Variants in DSPP observed in about 807,000 individuals in gnomAD.
The protein encoded by DSPP is dentin sialophosphoprotein.
DSPP carries 28 observed loss-of-function variants against 29.1 expected under a neutral mutation model. The observed-to-expected ratio is 0.96, with a 90% CI of 0.71 to 1.32. The LOEUF (loss-of-function observed/expected upper bound fraction) is 1.32. DSPP is among the 40% of genes most tolerant of loss of function. DSPP has a pLI of 0.00. For missense variants in DSPP, 1,281 were observed against 1,629.9 expected (o/e 0.79, Z 3.69); for synonymous variants, 481 against 503.4 (o/e 0.96, Z 0.60).
rs369769648 is a variant in DSPP, at chr4:87,614,555, C to T, written c.1893C>T (p.Ser631=). 507 of 1,550,634 alleles carry T rather than the reference C, an allele frequency of 3.3e-4. No homozygotes were observed. The highest frequency in any genetic ancestry group is 8.3e-4 in the Middle Eastern group (5 of 6,002). ...AGTCAGACAGCAGCAAATCAGAGAG[C>T]GACAGCAGTGATAGTGACAGTAAGT... is the stretch of plus-strand genomic sequence containing the variant. ...DSKSDSSKSE[S]DSSDSDSKSD... The change falls in exon 5 of 5, where the codon AGC becomes AGT. Residue 631 remains serine, a synonymous_variant. Transcript: ENST00000651931.
At chr4:87,613,366 T>C (rs1727779859) in intron 4 of DSPP, 58 bp downstream of exon 4, 1 of 1,575,368 alleles carries the variant, frequency 6.3e-7, no homozygotes, top group Non-Finnish European at 8.7e-7. Flanking sequence ...CCTCCATCTA[T>C]TGATGCTAGC....
rs767443436 is a variant in DSPP at position 87,610,862 on chromosome 4, C to T, written c.-28-19C>T. 24 of 1,500,356 alleles carry T rather than the reference C, an allele frequency of 1.6e-5. No individual in the cohort carries two copies. The South Asian group carries it at 2.7e-4, about 17-fold the overall frequency. The allele number at this position is 1,500,356 out of a possible 1,614,324, so 92.9% of individuals were successfully genotyped here. ...CCTTTACTTTATAAGTAATTTTGTG[C>T]TGTTCCTTTTTTATACAGCCATTGA... is the stretch of plus-strand genomic sequence containing the variant. On this transcript the variant is annotated intron_variant, in intron 1 of 4. Transcript: ENST00000651931.
At position 87,614,680 on chromosome 4, in the gene DSPP, A is replaced by ATAGCAGTGGCAGCAGCAG. The variant is rs1560478710; in HGVS notation, c.2026_2027insGCAGCAGCAGTAGCAGTG (p.Ser675_Asp676insGlySerSerSerSerSer). On this transcript the variant is annotated inframe_insertion, in exon 5 of 5. Coordinates refer to ENST00000651931, the MANE Select transcript of DSPP (RefSeq NM_014208.3). ...AGCAGTGATAGTAGTGACAGCAGTG[A>ATAGCAGTGGCAGCAGCAG]TAGCAGTGACAGCAGCAGTAGCAGT... 1.1e-5 allele frequency: 17 copies of ATAGCAGTGGCAGCAGCAG among 1,521,916 alleles called. No homozygotes were observed. The highest frequency in any genetic ancestry group is 1.5e-5 in the Non-Finnish European group (17 of 1,121,262). 94.3% of individuals were successfully genotyped at this position (1,521,916 alleles called of 1,614,324 possible).
At chr4:87,611,841 T>C (rs1727739925) in intron 2 of DSPP, among the ~76,000 whole-genome samples, 1 of 152,224 alleles carries the variant, frequency 6.6e-6, no homozygotes, top group African/African-American at 2.4e-5. Flanking sequence ...TTGAGATAAG[T>C]GGGCTGATCT....
chr4:87,609,696 C>T (rs1342154498), intron 1 of DSPP, among the ~76,000 whole-genome samples: 2 of 152,182 alleles, frequency 1.3e-5, no homozygotes, highest in African/African-American at 4.8e-5. Context: ...TATATTTTCA[C>T]TACCACCATT....
chr4:87,612,231 T>C (rs1050476689), intron 3 of DSPP, 43 bp downstream of exon 3: 1 of 1,612,494 alleles, frequency 6.2e-7, no homozygotes, highest in Non-Finnish European at 8.5e-7. Flanking sequence ...TATTTCTGAG[T>C]TGCTACATTC....
rs781673610 is a variant in DSPP at position 87,613,178 on chromosome 4, G to C, written c.992G>C (p.Gly331Ala). The change falls in exon 4 of 5, where the codon GGT becomes GCT. Residue 331 changes from glycine to alanine, a missense_variant. Physicochemically the swap from Gly to Ala is moderately conservative, Grantham distance 60 (BLOSUM62 0). This residue lies in a region of DSPP where 631 missense variants were observed against 643.2 expected (regional missense o/e 0.98). Transcript: ENST00000651931. ...KTSKSEENSAGIPEDNGSQRI... is the reference protein window; with the variant it reads ...KTSKSEENSAAIPEDNGSQRI... ...TCCAAGAGTGAGGAGAATTCTGCTG[G>C]TATTCCAGAAGACAATGGCAGCCAA... 6.2e-7 allele frequency: 1 copy of C among 1,613,996 alleles called. No homozygotes were observed. Among genetic ancestry groups the C allele is most frequent in the East Asian group, 2.2e-5 (1 of 44,902 alleles).
In DSPP at chr4:87,616,154, T is replaced by TAGCAGCGAC; in HGVS notation, c.3510_3518dup (p.Asp1176_Ser1178dup). 3 of 737,738 alleles carry TAGCAGCGAC rather than the reference T, an allele frequency of 4.1e-6. 1 individual carries two copies. Among genetic ancestry groups the TAGCAGCGAC allele is most frequent in the South Asian group, 2.1e-5 (1 of 48,244 alleles). 45.7% of individuals were successfully genotyped at this position (737,738 alleles called of 1,614,324 possible). On this transcript the variant is annotated inframe_insertion, in exon 5 of 5. Coordinates refer to ENST00000651931, the MANE Select transcript of DSPP (RefSeq NM_014208.3). ...GCAGCGACAGCAGTGACAGCAGCGA[T>TAGCAGCGAC]AGCAGCGACAGCAGCGACAGCAGCG...
At position 87,616,519 on chromosome 4, in the gene DSPP, A is replaced by ACAGTGACAGTGAAGG. The variant is rs1356736975; in HGVS notation, c.3868_3882dup (p.Glu1290_Ser1294dup). The ACAGTGACAGTGAAGG allele has an allele frequency of 3.9e-6, 6 of 1,551,682 alleles. No individual in the cohort carries two copies. Among genetic ancestry groups the ACAGTGACAGTGAAGG allele is most frequent in the Non-Finnish European group, 5.2e-6 (6 of 1,147,018 alleles). On this transcript the variant is annotated inframe_insertion, in exon 5 of 5. Transcript: ENST00000651931. ...GGTAACAACAATGGAAGTGACAGTG[A>ACAGTGACAGTGAAGG]CAGTGACAGTGAAGGCAGTGACAGT...
intron 2 of DSPP, 37 bp from the exon 3 acceptor site, chr4:87,612,068 A>C (rs1253708024): frequency 6.3e-7 from 1 of 1,593,262 alleles, no homozygotes; most frequent in African/African-American, 1.3e-5. Flanking sequence ...TTCACAAATA[A>C]GAACCTTTTC....
rs533458638 is a variant in DSPP at position 87,613,720 on chromosome 4, C to T, written c.1123-65C>T. 5,082 of 1,610,402 alleles carry T rather than the reference C, an allele frequency of 3.2e-3. 19 individuals are homozygous for T. Among genetic ancestry groups the T allele is most frequent in the Non-Finnish European group, 3.8e-3 (4,427 of 1,177,708 alleles). ...GCAACTTTTCCCAGTTATTCTTCCT[C>T]AGATCAATGCAATTTTGCAGCAAAT... On this transcript the variant is annotated intron_variant, in intron 4 of 4. Coordinates refer to ENST00000651931, the MANE Select transcript of DSPP (RefSeq NM_014208.3).
At position 87,614,417 on chromosome 4, in the gene DSPP, T is replaced by C; in HGVS notation, c.1755T>C (p.Ser585=). The C allele has an allele frequency of 6.4e-7, 1 of 1,557,680 alleles. No homozygotes were observed. The highest frequency in any genetic ancestry group is 2.4e-5 in the East Asian group (1 of 40,942). Residue 585 remains serine, a synonymous_variant, in exon 5 of 5, where the codon AGT becomes AGC. Coordinates refer to ENST00000651931, the MANE Select transcript of DSPP (RefSeq NM_014208.3). The part of the protein sequence containing the change: ...NSSSDSDSSD[S]DSSDSSDSDS... Reference sequence around the variant, plus strand: ...GCAGTGATAGTGACAGCAGTGACAGTGACAGCAGTGATAGCAGTGACAGTG... The same window carrying C: ...GCAGTGATAGTGACAGCAGTGACAGCGACAGCAGTGATAGCAGTGACAGTG...
rs762861045 is a variant in DSPP, at chr4:87,614,495, T to A, written c.1833T>A (p.Ser611Arg). 1 of 1,551,046 alleles carries A rather than the reference T, an allele frequency of 6.4e-7. No individual in the cohort carries two copies. Among genetic ancestry groups the A allele is most frequent in the Non-Finnish European group, 8.7e-7 (1 of 1,146,830 alleles). ...ACAGTAGTGACAGCAGTGATAGCAGTGACAGTAGTGATAGTAGTGACAGCA... is the reference window on the plus strand; with the variant it reads ...ACAGTAGTGACAGCAGTGATAGCAGAGACAGTAGTGATAGTAGTGACAGCA... ...SSDSSDSSDSSDSSDSSDSSD... is the reference protein window; with the variant it reads ...SSDSSDSSDSRDSSDSSDSSD... The change falls in exon 5 of 5, where the codon AGT (serine) becomes AGA (arginine). Residue 611 changes from serine (S) to arginine (R), a missense_variant. Transcript: ENST00000651931.
intron 4 of DSPP, 47 bp downstream of exon 4, chr4:87,613,355 C>T: frequency 1.9e-6 from 3 of 1,597,056 alleles, no homozygotes; most frequent in South Asian, 1.1e-5. Context: ...TAAATTCTTC[C>T]CCTCCATCTA....
rs1378984056 is a variant in DSPP, at chr4:87,608,622, T to A, written c.-29+2T>A. ...AAAATCCTTTTGAAGCCTTTTAAGG[T>A]AAGATGAAATATCCTTTTTACTCAG... On this transcript the variant is annotated splice_donor_variant, in intron 1 of 4. Coordinates refer to ENST00000651931, the MANE Select transcript of DSPP (RefSeq NM_014208.3). LOFTEE classifies it low-confidence loss of function (5UTR_SPLICE). 6.6e-6 allele frequency: 1 copy of A among 152,194 alleles called. No individual in the cohort carries two copies. Among genetic ancestry groups the A allele is most frequent in the Non-Finnish European group, 1.5e-5 (1 of 68,026 alleles). The allele number at this position is 152,194 out of a possible 1,614,324, so 9.4% of individuals were successfully genotyped here. A position where few individuals can be genotyped will look rare whatever the true frequency, so the allele number is the denominator to read the frequency against.
chr4:87,613,976 C>T lies in DSPP; in HGVS notation c.1314C>T (p.His438=), dbSNP rs372553789. 9.9e-6 allele frequency: 16 copies of T among 1,614,028 alleles called. No individual in the cohort carries two copies. In the East Asian group the frequency reaches 2.9e-4, roughly 29 times the overall value. The change falls in exon 5 of 5, where the codon CAC becomes CAT. Residue 438 remains histidine, a synonymous_variant. Coordinates refer to ENST00000651931, the MANE Select transcript of DSPP (RefSeq NM_014208.3). ...CAGAACCAGGAAATAAAGTTGGACA[C>T]AGCAATACAGGTAGTGACAGCAATA... is the stretch of plus-strand genomic sequence containing the variant. The part of the protein sequence containing the change: ...QKSEPGNKVG[H]SNTGSDSNSD...
At position 87,611,661 on chromosome 4, in the gene DSPP, G is replaced by A. The variant is rs183095139; in HGVS notation, c.52-444G>A. ...TTGCAGAGCACAGAAGTATACTAGCGTAATACTTGATTTTGCCTCTGTGCA... is the reference window on the plus strand; with the variant it reads ...TTGCAGAGCACAGAAGTATACTAGCATAATACTTGATTTTGCCTCTGTGCA... On this transcript the variant is annotated intron_variant, in intron 2 of 4. Coordinates refer to ENST00000651931, the MANE Select transcript of DSPP (RefSeq NM_014208.3). Among the ~76,000 whole-genome samples the A allele has an allele frequency of 1.3e-4, 20 of 152,276 alleles. No individual in the cohort carries two copies. In the East Asian group the frequency reaches 2.7e-3, roughly 21 times the overall value.
Position 87,615,823 on chromosome 4 carries a change from G to A in DSPP, c.3161G>A (p.Ser1054Asn), listed in dbSNP as rs2109998145. The A allele has an allele frequency of 6.5e-7, 1 of 1,545,480 alleles. No homozygotes were observed. The highest frequency in any genetic ancestry group is 8.7e-7 in the Non-Finnish European group (1 of 1,144,090). ...AGCGATAGCAGTGACAGCAGTGACAGCAGCAATAGCAGTGACAGCAGTGAC... is the reference window on the plus strand; with the variant it reads ...AGCGATAGCAGTGACAGCAGTGACAACAGCAATAGCAGTGACAGCAGTGAC... The part of the protein sequence containing the change: ...DSSDSSDSSD[S>N]SNSSDSSDSS... Residue 1054 changes from serine (S) to asparagine (N), a missense_variant, in exon 5 of 5, where the codon AGC becomes AAC. Ser to Asn is a conservative substitution (Grantham distance 46, BLOSUM62 1). This residue lies in a region of DSPP where 72 missense variants were observed against 190.3 expected (regional missense o/e 0.38). Transcript: ENST00000651931.
At position 87,616,285 on chromosome 4, in the gene DSPP, G is replaced by A. The variant is rs762324143; in HGVS notation, c.3623G>A (p.Ser1208Asn). Residue 1208 changes from serine (S) to asparagine (N), a missense_variant, in exon 5 of 5, where the codon AGT becomes AAT. Ser to Asn is a conservative substitution (Grantham distance 46). Transcript: ENST00000651931. ...GACAGCAGCGATAGTAGTGATAGCA[G>A]TGACAGCAGTGACAGCAGCGACAGC... ...SSDSSDSSDS[S>N]DSSDSSDSSD... 1.3e-5 allele frequency: 19 copies of A among 1,490,298 alleles called. No individual in the cohort carries two copies. Among genetic ancestry groups the A allele is most frequent in the Non-Finnish European group, 2.7e-6 (3 of 1,118,592 alleles). 92.3% of individuals were successfully genotyped at this position (1,490,298 alleles called of 1,614,324 possible). A position where few individuals can be genotyped will look rare whatever the true frequency, so the allele number is the denominator to read the frequency against.
Sources: allele counts gnomAD v4.1 joint callset (sites outside exome capture counted in the v4.1 genomes callset), GRCh38; gene constraint gnomAD v4.1.1; regional missense constraint gnomAD v4.1.1; transcripts MANE v1.5; gene names NCBI Gene and HGNC (gene_info 2026-07-23, HGNC 2026-07-21).